Variants in CBL observed in about 807,000 individuals in gnomAD.
CBL encodes Cbl proto-oncogene.
A neutral mutation model predicts 96.9 loss-of-function variants in CBL; 45 were observed. That is an observed-to-expected ratio of 0.46 (90% CI 0.37 to 0.60). The LOEUF (loss-of-function observed/expected upper bound fraction) is 0.60. Ranked by LOEUF, CBL falls within the 20% of genes least tolerant of loss-of-function variation. The pLI is 0.00. For missense variants in CBL, 1,024 were observed against 1,143.5 expected, an observed-to-expected ratio of 0.90 and a Z score of 1.51; for synonymous variants, 420 against 426.8, an observed-to-expected ratio of 0.98 and a Z score of 0.20.
At chr11:119,247,341 GGAAAA>G (rs1949639571) in intron 2 of CBL, among the ~76,000 whole-genome samples, 1 of 152,158 alleles carries the variant, frequency 6.6e-6, no homozygotes, top group East Asian at 1.9e-4. Flanking sequence ...AATTAGGCAA[GGAAAA>G]GAAAAGAAGC....
intron 2 of CBL, among the ~76,000 whole-genome samples, chr11:119,254,121 A>G (rs1949693171): frequency 6.6e-6 from 1 of 151,288 alleles, no homozygotes; most frequent in African/African-American, 2.4e-5. Flanking sequence ...GATCGAGGCA[A>G]GAGGATCACT....
intron 6 of CBL, among the ~76,000 whole-genome samples, chr11:119,277,310 A>T (rs1297325180): frequency 2.0e-5 from 3 of 151,660 alleles, no homozygotes; most frequent in African/African-American, 7.3e-5. Context: ...TTGATTAAAA[A>T]TGGGTTGGTA....
chr11:119,262,096 A>T (rs1238867783), intron 2 of CBL, among the ~76,000 whole-genome samples: 1 of 152,220 alleles, frequency 6.6e-6, no homozygotes, highest in African/African-American at 2.4e-5. Flanking sequence ...TACCATGTAG[A>T]TATTATGACT....
intron 2 of CBL, among the ~76,000 whole-genome samples, chr11:119,263,126 A>G (rs1949767028): frequency 3.9e-5 from 6 of 152,220 alleles, no homozygotes; most frequent in Admixed American, 3.9e-4. Flanking sequence ...ACTGCTAGAG[A>G]TGGAGAGAAG....
At chr11:119,214,893 ATTTT>A (rs774184469) in intron 1 of CBL, among the ~76,000 whole-genome samples, 1 of 117,960 alleles carries the variant, frequency 8.5e-6, no homozygotes, top group African/African-American at 3.4e-5. Context: ...CTGGTAGGGA[ATTTT>A]TTTTTTTTTT....
chr11:119,300,069 A>G lies in CBL; in HGVS notation c.*288A>G. ...TGATAACCTACCTGGGGAACAGTCC[A>G]GAAAGCTATAGAACAAGTATTTTGC... On this transcript the variant is annotated 3_prime_UTR_variant, in exon 16 of 16. Transcript: ENST00000264033. 1.8e-6 allele frequency: 1 copy of G among 567,646 alleles called. No individual in the cohort carries two copies. The allele number at this position is 567,646 out of a possible 1,614,324, so 35.2% of individuals were successfully genotyped here. A position where few individuals can be genotyped will look rare whatever the true frequency, so the allele number is the denominator to read the frequency against.
At chr11:119,276,846 T>G (rs1462676086) in intron 6 of CBL, among the ~76,000 whole-genome samples, 1 of 152,246 alleles carries the variant, frequency 6.6e-6, no homozygotes, top group African/African-American at 2.4e-5. Flanking sequence ...CCCTGGTAGA[T>G]GATCTCAGTA....
At chr11:119,223,576 C>T (rs1949428730) in intron 1 of CBL, among the ~76,000 whole-genome samples, 1 of 150,932 alleles carries the variant, frequency 6.6e-6, no homozygotes, top group South Asian at 2.1e-4. Flanking sequence ...ACTACAGGCG[C>T]CCGCCACCAC....
intron 7 of CBL, 86 bp downstream of exon 7, chr11:119,277,930 T>C (rs916247119): frequency 5.9e-5 from 59 of 1,003,654 alleles, no homozygotes; most frequent in Non-Finnish European, 8.7e-5. Context: ...ATTGAATTCA[T>C]TGGAACCCAT....
chr11:119,302,794 T>C lies in CBL; in HGVS notation c.*3013T>C, dbSNP rs531528293. ...AAGTAATAGACCAGGCAGCTTCTCA[T>C]CTCAGCATTTACCTGTTAATATTTT... On this transcript the variant is annotated 3_prime_UTR_variant, in exon 16 of 16. Coordinates refer to ENST00000264033, the MANE Select transcript of CBL (RefSeq NM_005188.4). 21 of 230,934 alleles carry C rather than the reference T, an allele frequency of 9.1e-5. 1 individual carries two copies. In the East Asian group the frequency reaches 1.2e-3, roughly 13 times the overall value. 14.3% of individuals were successfully genotyped at this position (230,934 alleles called of 1,614,324 possible).
chr11:119,215,412 G>A (rs1949351601), intron 1 of CBL, among the ~76,000 whole-genome samples: 4 of 148,566 alleles, frequency 2.7e-5, no homozygotes, highest in Non-Finnish European at 4.4e-5. Context: ...CTAAATATTC[G>A]TTTGAAAACA....
At chr11:119,281,300 A>G (rs1334467944) in intron 9 of CBL, among the ~76,000 whole-genome samples, 1 of 152,084 alleles carries the variant, frequency 6.6e-6, no homozygotes, top group African/African-American at 2.4e-5. Context: ...GCTTTCTGTG[A>G]AAGGGTGAGA....
At chr11:119,281,466 C>A (rs754179031) in intron 9 of CBL, among the ~76,000 whole-genome samples, 3 of 150,726 alleles carry the variant, frequency 2.0e-5, no homozygotes, top group African/African-American at 7.3e-5. Context: ...TGCTTTTCAG[C>A]GCTTCCTTTC....
intron 1 of CBL, among the ~76,000 whole-genome samples, chr11:119,222,917 A>G (rs1949422577): frequency 6.6e-6 from 1 of 152,120 alleles, no homozygotes; most frequent in Non-Finnish European, 1.5e-5. Context: ...TCTTGCCTGT[A>G]TATAATCCCA....
chr11:119,277,276 G>T (rs1419555983), intron 6 of CBL, among the ~76,000 whole-genome samples: 35 of 100,966 alleles, frequency 3.5e-4, no homozygotes, highest in African/African-American at 1.6e-3. Flanking sequence ...CACACATAAA[G>T]AATTTCTATC....
chr11:119,245,049 T>A (rs73566753), intron 2 of CBL, among the ~76,000 whole-genome samples: 2,284 of 152,174 alleles, frequency 0.015, 50 homozygotes, highest in African/African-American at 0.052. Context: ...TTTTTTAATC[T>A]TTTGTAGAGA....
intron 12 of CBL, among the ~76,000 whole-genome samples, chr11:119,296,262 T>C (rs1169738916): frequency 6.6e-6 from 1 of 152,128 alleles, no homozygotes; most frequent in South Asian, 2.1e-4. Flanking sequence ...TGTCTTTTTT[T>C]CCCCCCTACA....
chr11:119,225,420 A>G (rs1463114539), intron 1 of CBL, among the ~76,000 whole-genome samples: 1 of 151,752 alleles, frequency 6.6e-6, no homozygotes. Context: ...TTGTTTGGAG[A>G]CAGGGTCTCA....
intron 2 of CBL, among the ~76,000 whole-genome samples, chr11:119,260,939 C>CCTTTTTTTT (rs748251425): frequency 1.1e-5 from 1 of 89,920 alleles, no homozygotes; most frequent in Non-Finnish European, 2.0e-5. Context: ...TAAATCTCTA[C>CCTTTTTTTT]TTTTTTTTTT....
Sources: gnomAD v4.1 joint callset for allele counts (sites outside exome capture counted in the v4.1 genomes callset) on GRCh38, gnomAD v4.1.1 for gene constraint, MANE v1.5 for transcripts, NCBI Gene and HGNC (gene_info 2026-07-23, HGNC 2026-07-21) for gene names.